OR4D9: variants seen among roughly 807,000 people sequenced by gnomAD.
The protein encoded by OR4D9 is olfactory receptor family 4 subfamily D member 9.
In OR4D9, 2 loss-of-function variants were observed where a neutral mutation model predicts 0.8. The ratio of observed to expected loss-of-function variants is 2.58; its 90% CI spans 1.06 to 8.13. The LOEUF (loss-of-function observed/expected upper bound fraction) is 8.13, where lower values mean the gene tolerates loss of function less well. OR4D9 is among the 30% of genes most tolerant of loss of function. OR4D9 has a pLI of 0.04. For missense variants in OR4D9, 399 were observed against 384.7 expected, an observed-to-expected ratio of 1.04 and a Z score of -0.31; for synonymous variants, 146 against 151.2, an observed-to-expected ratio of 0.97 and a Z score of 0.25.
chr11:59,513,807 T>A (rs28565532), intron 1 of OR4D9, among the ~76,000 whole-genome samples: 1 of 151,668 alleles, frequency 6.6e-6, no homozygotes. Context: ...AAAAAATAAA[T>A]AAAAAGAAAA....
intron 1 of OR4D9, among the ~76,000 whole-genome samples, chr11:59,514,032 T>C (rs1859366526): frequency 6.6e-6 from 1 of 152,184 alleles, no homozygotes; most frequent in Admixed American, 6.5e-5. Flanking sequence ...TTGATGAACA[T>C]ATGTACATAT....
chr11:59,513,012 T>G (rs1370901402), intron 1 of OR4D9, among the ~76,000 whole-genome samples: 1 of 152,196 alleles, frequency 6.6e-6, no homozygotes, highest in Non-Finnish European at 1.5e-5. Flanking sequence ...TGTTTGTTAG[T>G]TAAAACTTTA....
At chr11:59,512,300 C>CTT (rs71036528) in intron 1 of OR4D9, among the ~76,000 whole-genome samples, 12 of 125,492 alleles carry the variant, frequency 9.6e-5, no homozygotes, top group East Asian at 6.8e-4. Context: ...TTTCTTTTTT[C>CTT]TTTTTTTTTT....
intron 1 of OR4D9, 103 bp from the exon 2 acceptor site, chr11:59,514,570 C>T (rs957193773): frequency 6.0e-5 from 11 of 183,930 alleles, no homozygotes; most frequent in Non-Finnish European, 1.2e-4. Context: ...AACAGAAATC[C>T]TAATATATTC....
Position 59,517,082 on chromosome 11 carries a change from TA to T in OR4D9, c.*1227del, listed in dbSNP as rs1413169565. On this transcript the variant is annotated 3_prime_UTR_variant, in exon 3 of 3. Coordinates refer to ENST00000641962, the MANE Select transcript of OR4D9 (RefSeq NM_001004711.2). ...AGACTCTGTCCAAAAATAATAATAA[TA>T]ATTAATAAATAAATAAAAATTAACC... The T allele has an allele frequency of 6.6e-6, 1 of 150,834 alleles. No homozygotes were observed. Among genetic ancestry groups the T allele is most frequent in the African/African-American group, 2.4e-5 (1 of 41,008 alleles). 9.3% of individuals were successfully genotyped at this position (150,834 alleles called of 1,614,324 possible).
intron 2 of OR4D9, 21 bp downstream of exon 2, chr11:59,514,787 G>A (rs893929062): frequency 3.0e-6 from 2 of 657,982 alleles, no homozygotes; most frequent in Non-Finnish European, 5.2e-6. Flanking sequence ...AGGGAAAAGA[G>A]CTTCCTCCTA....
chr11:59,515,402 C>T lies in OR4D9; in HGVS notation c.490C>T (p.Leu164Phe). 6.2e-7 allele frequency: 1 copy of T among 1,614,144 alleles called. No homozygotes were observed. Among genetic ancestry groups the T allele is most frequent in the African/African-American group, 1.3e-5 (1 of 75,022 alleles). ...VHSIAQISLL[L>F]PLPFCGPNVL... ...CTCCATAGCGCAGATTTCTCTATTG[C>T]TCCCACTCCCTTTCTGTGGACCCAA... Residue 164 changes from leucine to phenylalanine, a missense_variant, in exon 3 of 3, where the codon CTC (leucine) becomes TTC (phenylalanine). Leu to Phe is a conservative substitution (Grantham distance 22, BLOSUM62 0). Coordinates refer to ENST00000641962, the MANE Select transcript of OR4D9 (RefSeq NM_001004711.2).
At position 59,515,412 on chromosome 11, in the gene OR4D9, C is replaced by T; in HGVS notation, c.500C>T (p.Pro167Leu). ...IAQISLLLPL[P>L]FCGPNVLDTF... ...CAGATTTCTCTATTGCTCCCACTCC[C>T]TTTCTGTGGACCCAATGTTCTTGAC... The change falls in exon 3 of 3, where the codon CCT (proline) becomes CTT (leucine). Residue 167 changes from proline (P) to leucine (L), a missense_variant. Pro to Leu is a moderately conservative substitution (Grantham distance 98, BLOSUM62 -3). Transcript: ENST00000641962. 2 of 1,614,200 alleles carry T rather than the reference C, an allele frequency of 1.2e-6. No individual in the cohort carries two copies. Among genetic ancestry groups the T allele is most frequent in the Non-Finnish European group, 8.5e-7 (1 of 1,180,042 alleles).
chr11:59,515,901 CT>C lies in OR4D9; in HGVS notation c.*47del. Reference sequence around the variant, plus strand: ...ATTTAAAGATAGACATTAAATTTCACTTTCTCAAAATGGGAAAGGAGCTTGT... The same window carrying C: ...ATTTAAAGATAGACATTAAATTTCACTTCTCAAAATGGGAAAGGAGCTTGT... On this transcript the variant is annotated 3_prime_UTR_variant, in exon 3 of 3. Coordinates refer to ENST00000641962, the MANE Select transcript of OR4D9 (RefSeq NM_001004711.2). 7.1e-7 allele frequency: 1 copy of C among 1,410,528 alleles called. No homozygotes were observed. Among genetic ancestry groups the C allele is most frequent in the Non-Finnish European group, 9.6e-7 (1 of 1,041,748 alleles). 87.4% of individuals were successfully genotyped at this position (1,410,528 alleles called of 1,614,324 possible). A position where few individuals can be genotyped will look rare whatever the true frequency, so the allele number is the denominator to read the frequency against.
chr11:59,512,888 A>G (rs1166806020), intron 1 of OR4D9, among the ~76,000 whole-genome samples: 1 of 152,220 alleles, frequency 6.6e-6, no homozygotes, highest in African/African-American at 2.4e-5. Context: ...GGTGATGACT[A>G]TAACCACGTA....
Position 59,515,943 on chromosome 11 carries a change from A to G in OR4D9, c.*86A>G. The stretch of plus-strand genomic sequence containing the variant: ...AGGAGCTTGTTCATGCCCAAAACAA[A>G]GAGATACCTATGGCCACCATCGAGT... On this transcript the variant is annotated 3_prime_UTR_variant, in exon 3 of 3. Transcript: ENST00000641962. 4.1e-6 allele frequency: 4 copies of G among 977,646 alleles called. No homozygotes were observed. Among genetic ancestry groups the G allele is most frequent in the Non-Finnish European group, 4.4e-6 (3 of 675,126 alleles). The allele number at this position is 977,646 out of a possible 1,614,324, so 60.6% of individuals were successfully genotyped here.
rs1298886846 is a variant in OR4D9, at chr11:59,514,872, A to T, written c.-30-11A>T. On this transcript the variant is annotated splice_polypyrimidine_tract_variant and intron_variant, in intron 2 of 2. Transcript: ENST00000641962. Reference sequence around the variant, plus strand: ...ATCAATATTATTTAACTGCACTATTATTTCTTCCAGAGATGAACCTGATAA... The same window carrying T: ...ATCAATATTATTTAACTGCACTATTTTTTCTTCCAGAGATGAACCTGATAA... 1 of 1,288,498 alleles carries T rather than the reference A, an allele frequency of 7.8e-7. No homozygotes were observed. The highest frequency in any genetic ancestry group is 1.3e-5 in the South Asian group (1 of 75,010). The allele number at this position is 1,288,498 out of a possible 1,614,324, so 79.8% of individuals were successfully genotyped here.
In OR4D9 at chr11:59,515,618, G is replaced by A. The variant is rs761518790; in HGVS notation, c.706G>A (p.Ala236Thr). 3.1e-6 allele frequency: 5 copies of A among 1,613,960 alleles called. No homozygotes were observed. Among genetic ancestry groups the A allele is most frequent in the Admixed American group, 3.3e-5 (2 of 59,974 alleles). ...TCACACTGGGGAAGGCAGGAGGAAAGCCATCTCCACCTGCACCTCCCACAT... is the reference window on the plus strand; with the variant it reads ...TCACACTGGGGAAGGCAGGAGGAAAACCATCTCCACCTGCACCTCCCACAT... ...RSHTGEGRRK[A>T]ISTCTSHITV... is the part of the protein sequence containing the mutation. The change falls in exon 3 of 3, where the codon GCC becomes ACC. Residue 236 changes from alanine to threonine, a missense_variant. Coordinates refer to ENST00000641962, the MANE Select transcript of OR4D9 (RefSeq NM_001004711.2).
rs1859389575 is a variant in OR4D9 at position 59,515,362 on chromosome 11, G to A, written c.450G>A (p.Val150=). The change falls in exon 3 of 3, where the codon GTG becomes GTA. Residue 150 remains valine, a synonymous_variant. Coordinates refer to ENST00000641962, the MANE Select transcript of OR4D9 (RefSeq NM_001004711.2). ...RCTGLIVASW[V]GGFVHSIAQI... ...CAGGCCTCATCGTGGCTTCCTGGGT[G>A]GGGGGCTTTGTCCACTCCATAGCGC... The A allele has an allele frequency of 2.5e-6, 4 of 1,613,704 alleles. No homozygotes were observed. The highest frequency in any genetic ancestry group is 1.3e-5 in the African/African-American group (1 of 74,848).
At chr11:59,513,752 G>A (rs1239944099) in intron 1 of OR4D9, among the ~76,000 whole-genome samples, 2 of 152,018 alleles carry the variant, frequency 1.3e-5, no homozygotes, top group South Asian at 2.1e-4. Flanking sequence ...GGGTAACATA[G>A]GGAGACCCCA....
rs181368027 is a variant in OR4D9, at chr11:59,513,057, G to A, written c.-125+1311G>A. ...ATGATATGCTAACATACAGAAAAAC[G>A]CACATACATGTACAGCTCAATGAAT... On this transcript the variant is annotated intron_variant, in intron 1 of 2. Coordinates refer to ENST00000641962, the MANE Select transcript of OR4D9 (RefSeq NM_001004711.2). Among the ~76,000 whole-genome samples the A allele has an allele frequency of 2.6e-4, 40 of 152,020 alleles. No individual in the cohort carries two copies. In the East Asian group the frequency reaches 7.5e-3, roughly 29 times the overall value.
In OR4D9 at chr11:59,515,351, G is replaced by T. The variant is rs367950816; in HGVS notation, c.439G>T (p.Ala147Ser). 33 of 1,613,904 alleles carry T rather than the reference G, an allele frequency of 2.0e-5. 2 individuals are homozygous for T. The highest frequency in any genetic ancestry group is 8.9e-5 in the East Asian group (4 of 44,874). ...SRGRCTGLIV[A>S]SWVGGFVHSI... ...GGGGCGATGCACAGGCCTCATCGTGGCTTCCTGGGTGGGGGGCTTTGTCCA... is the reference window on the plus strand; with the variant it reads ...GGGGCGATGCACAGGCCTCATCGTGTCTTCCTGGGTGGGGGGCTTTGTCCA... Residue 147 changes from alanine to serine, a missense_variant, in exon 3 of 3, where the codon GCT (alanine) becomes TCT (serine). Physicochemically the swap from Ala to Ser is moderately conservative, Grantham distance 99. Coordinates refer to ENST00000641962, the MANE Select transcript of OR4D9 (RefSeq NM_001004711.2).
Position 59,519,603 on chromosome 11 carries a change from C to T in OR4D9, c.*3746C>T, listed in dbSNP as rs1261629808. 1 of 152,180 alleles carries T rather than the reference C, an allele frequency of 6.6e-6. No individual in the cohort carries two copies. Among genetic ancestry groups the T allele is most frequent in the Non-Finnish European group, 1.5e-5 (1 of 68,042 alleles). 9.4% of individuals were successfully genotyped at this position (152,180 alleles called of 1,614,324 possible). A position where few individuals can be genotyped will look rare whatever the true frequency, so the allele number is the denominator to read the frequency against. On this transcript the variant is annotated 3_prime_UTR_variant, in exon 3 of 3. Transcript: ENST00000641962. ...CAATCCTCATAGAAAGCAACTCTCA[C>T]TTATTCCCAAACTTTTCATGGGCTT...
At position 59,515,303 on chromosome 11, in the gene OR4D9, C is replaced by A. The variant is rs1056380632; in HGVS notation, c.391C>A (p.His131Asn). The A allele has an allele frequency of 3.1e-6, 5 of 1,612,950 alleles. No homozygotes were observed. Among genetic ancestry groups the A allele is most frequent in the African/African-American group, 1.3e-5 (1 of 74,938 alleles). ...DRYIAISKPL[H>N]YMTIMSRGRC... ...CTATATAGCCATCTCCAAGCCCCTG[C>A]ACTATATGACCATCATGAGTAGGGG... Residue 131 changes from histidine (H) to asparagine (N), a missense_variant, in exon 3 of 3, where the codon CAC (histidine) becomes AAC (asparagine). Physicochemically the swap from His to Asn is moderately conservative, Grantham distance 68. Coordinates refer to ENST00000641962, the MANE Select transcript of OR4D9 (RefSeq NM_001004711.2).
Sources: allele counts gnomAD v4.1 joint callset (sites outside exome capture counted in the v4.1 genomes callset), GRCh38; gene constraint gnomAD v4.1.1; transcripts MANE v1.5; gene names NCBI Gene and HGNC (gene_info 2026-07-23, HGNC 2026-07-21).